The following PNLDC1 variants were observed in gnomAD, a reference collection of about 807,000 sequenced individuals.
The protein encoded by PNLDC1 is PARN like ribonuclease domain containing exonuclease 1, also known as poly(A)-specific ribonuclease PNLDC1.
PNLDC1 carries 70 observed loss-of-function variants against 82.0 expected under a neutral mutation model. The observed-to-expected ratio is 0.85, with a 90% CI of 0.70 to 1.04. The LOEUF is 1.04. Among genes scored for constraint, PNLDC1 ranks in the 50% least tolerant of loss-of-function variants. The pLI is 0.00. For missense variants in PNLDC1, 631 were observed against 661.1 expected (o/e 0.95, Z 0.50); for synonymous variants, 280 against 249.3 (o/e 1.12, Z -1.16).
Position 159,818,423 on chromosome 6 carries a change from T to C in PNLDC1, c.1158-132T>C, listed in dbSNP as rs186281865. On this transcript the variant is annotated intron_variant, in intron 15 of 18. Coordinates refer to ENST00000392167, the MANE Select transcript of PNLDC1 (RefSeq NM_001271862.2). ...AGCACCCAACCAGAGCCCCAAGACTTGTGAGGGCAGGAGGGAGGGAGAGCC... is the reference window on the plus strand; with the variant it reads ...AGCACCCAACCAGAGCCCCAAGACTCGTGAGGGCAGGAGGGAGGGAGAGCC... 483 of 759,598 alleles carry C rather than the reference T, an allele frequency of 6.4e-4. 1 individual carries two copies. The Middle Eastern group carries it at 0.01, about 16-fold the overall frequency. 47.1% of individuals were successfully genotyped at this position (759,598 alleles called of 1,614,324 possible).
Position 159,819,128 on chromosome 6 carries a change from G to A in PNLDC1, c.1433+7G>A, listed in dbSNP as rs756637968. ...TGACCAATAAGTTTAAGGAGTAGGT[G>A]CCTCTAAGTCCGCGTCCCCCACCCC... On this transcript the variant is annotated splice_region_variant and intron_variant, in intron 17 of 18. Transcript: ENST00000392167. The surrounding 1 kb of genome is among the most constrained non-coding windows in gnomAD (Gnocchi z 4.6). 2 of 1,613,524 alleles carry A rather than the reference G, an allele frequency of 1.2e-6. No homozygotes were observed. Among genetic ancestry groups the A allele is most frequent in the Non-Finnish European group, 1.7e-6 (2 of 1,179,656 alleles).
chr6:159,800,318 G>A lies in PNLDC1; in HGVS notation c.11G>A (p.Gly4Asp). 1 of 1,547,754 alleles carries A rather than the reference G, an allele frequency of 6.5e-7. No homozygotes were observed. Residue 4 changes from glycine to aspartate, a missense_variant, in exon 1 of 19, where the codon GGC becomes GAC. Coordinates refer to ENST00000392167, the MANE Select transcript of PNLDC1 (RefSeq NM_001271862.2). MDV[G>D]ADEFEESLPL... ...CGGAGCTGCACGGCCATGGACGTGG[G>A]CGCCGACGAGTTCGAGGAGAGCCTC...
chr6:159,801,034 G>T, intron 2 of PNLDC1, 79 bp from the exon 3 acceptor site: 2 of 1,523,330 alleles, frequency 1.3e-6, no homozygotes, highest in Admixed American at 1.7e-5. Context: ...CCGGTTGCGA[G>T]TGGTGGTCCT....
intron 15 of PNLDC1, among the ~76,000 whole-genome samples, chr6:159,817,697 G>T (rs1007772433): frequency 2.0e-5 from 3 of 152,232 alleles, no homozygotes; most frequent in Non-Finnish European, 4.4e-5. Flanking sequence ...TTAGCAGCGT[G>T]CACGCTACAG....
intron 18 of PNLDC1, among the ~76,000 whole-genome samples, chr6:159,820,244 C>T (rs537161410): frequency 6.6e-6 from 1 of 152,288 alleles, no homozygotes; most frequent in East Asian, 1.9e-4. Context: ...CAGTGAGCTC[C>T]GAGGCAAACC....
At position 159,819,944 on chromosome 6, in the gene PNLDC1, A is replaced by G. The variant is rs532954029; in HGVS notation, c.1533-510A>G. ...GGAGAGAGGGAATCGCGGAAGTTACAGCAAGAAGGTCTATAACCCGACTCA... is the reference window on the plus strand; with the variant it reads ...GGAGAGAGGGAATCGCGGAAGTTACGGCAAGAAGGTCTATAACCCGACTCA... On this transcript the variant is annotated intron_variant, in intron 18 of 18. Coordinates refer to ENST00000392167, the MANE Select transcript of PNLDC1 (RefSeq NM_001271862.2). This position sits in a 1 kb window ranked among gnomAD's most constrained non-coding sequence, Gnocchi z 4.6. 1.1e-4 allele frequency among the ~76,000 whole-genome samples: 16 copies of G among 152,294 alleles called. No homozygotes were observed. Among genetic ancestry groups the G allele is most frequent in the African/African-American group, 3.8e-4 (16 of 41,580 alleles).
upstream of PNLDC1, chr6:159,800,227 CCCGG>C (rs1235232235): frequency 4.1e-5 from 57 of 1,386,698 alleles, no homozygotes; most frequent in Non-Finnish European, 5.6e-5. Flanking sequence ...CCCTTTAAGA[CCCGG>C]CGGCGCGACG....
At position 159,819,552 on chromosome 6, in the gene PNLDC1, C is replaced by T. The variant is rs1002509718; in HGVS notation, c.1532+200C>T. Among the ~76,000 whole-genome samples, 11 of 152,200 alleles carry T rather than the reference C, an allele frequency of 7.2e-5. No individual in the cohort carries two copies. The highest frequency in any genetic ancestry group is 2.6e-4 in the Admixed American group (4 of 15,280). On this transcript the variant is annotated intron_variant, in intron 18 of 18. Transcript: ENST00000392167. The surrounding 1 kb of genome is among the most constrained non-coding windows in gnomAD (Gnocchi z 4.6). ...GAGCACCTGCTGTGCTGGGCACCATCGTAGTTCTAGGGCCTCGTCAGTGAA... is the reference window on the plus strand; with the variant it reads ...GAGCACCTGCTGTGCTGGGCACCATTGTAGTTCTAGGGCCTCGTCAGTGAA...
rs1781433553 is a variant in PNLDC1, at chr6:159,806,007, G to A, written c.486G>A (p.Lys162=). 1 of 1,614,056 alleles carries A rather than the reference G, an allele frequency of 6.2e-7. No homozygotes were observed. Among genetic ancestry groups the A allele is most frequent in the Admixed American group, 1.7e-5 (1 of 60,006 alleles). ...GCTCTCCGGATAAAGACCAAATCAAGGTGGTGATTGACGAAGTGACGCGGT... is the reference window on the plus strand; with the variant it reads ...GCTCTCCGGATAAAGACCAAATCAAAGTGGTGATTGACGAAGTGACGCGGT... The part of the protein sequence containing the change: ...VRSSPDKDQI[K]VVIDEVTRWL... The change falls in exon 7 of 19, where the codon AAG becomes AAA. Residue 162 remains lysine, a synonymous_variant. Transcript: ENST00000392167.
chr6:159,802,683 A>G (rs570244710), intron 3 of PNLDC1, among the ~76,000 whole-genome samples: 1 of 152,192 alleles, frequency 6.6e-6, no homozygotes, highest in East Asian at 1.9e-4. Context: ...CCCAGGCCCA[A>G]GCAATTCTCC....
rs1291360655 is a variant in PNLDC1 at position 159,815,950 on chromosome 6, T to C, written c.996-19T>C. 6.2e-7 allele frequency: 1 copy of C among 1,601,600 alleles called. No individual in the cohort carries two copies. On this transcript the variant is annotated intron_variant, in intron 12 of 18. Transcript: ENST00000392167. The stretch of plus-strand genomic sequence containing the variant: ...ACTTTCAGCAAATTGTTTTTTATTC[T>C]ATTTTTCTTTTCCAATAGTGACTTG...
intron 4 of PNLDC1, among the ~76,000 whole-genome samples, chr6:159,803,603 G>A (rs1015455336): frequency 2.6e-5 from 4 of 152,296 alleles, no homozygotes; most frequent in South Asian, 2.1e-4. Flanking sequence ...ACACAGTGTG[G>A]TGTAATGAAA....
At chr6:159,815,879 A>C in intron 12 of PNLDC1, 90 bp from the exon 13 acceptor site, 2 of 1,035,386 alleles carry the variant, frequency 1.9e-6, no homozygotes, top group East Asian at 2.6e-5. Context: ...ACATTTAAAA[A>C]ATTTATATTA....
rs190950900 is a variant in PNLDC1, at chr6:159,818,598, G to A, written c.1201G>A (p.Val401Met). ...GTCATCCTTTCCTCAGTACCTTGAC[G>A]TGCTGGCTCCTTACGTGAACCAAGT... ...PESSFPQYLD[V>M]LAPYVNQVNL... The change falls in exon 16 of 19, where the codon GTG (valine) becomes ATG (methionine). Residue 401 changes from valine (V) to methionine (M), a missense_variant. By Grantham distance (21) the Val-to-Met change is conservative. Coordinates refer to ENST00000392167, the MANE Select transcript of PNLDC1 (RefSeq NM_001271862.2). The A allele has an allele frequency of 4.2e-5, 68 of 1,613,894 alleles. No individual in the cohort carries two copies. The East Asian group carries it at 5.6e-4, about 13-fold the overall frequency.
At chr6:159,804,896 AACTG>A (rs1225819655) in intron 6 of PNLDC1, among the ~76,000 whole-genome samples, 6 of 152,356 alleles carry the variant, frequency 3.9e-5, no homozygotes, top group African/African-American at 1.2e-4. Flanking sequence ...AAGAAAAAGA[AACTG>A]ACTCCTAATT....
rs1430509109 is a variant in PNLDC1, at chr6:159,819,667, G to A, written c.1532+315G>A. Among the ~76,000 whole-genome samples, 1 of 152,176 alleles carries A rather than the reference G, an allele frequency of 6.6e-6. No individual in the cohort carries two copies. The highest frequency in any genetic ancestry group is 1.5e-5 in the Non-Finnish European group (1 of 68,038). The stretch of plus-strand genomic sequence containing the variant: ...CCCTATAATGTGTTGGGTGACAAGT[G>A]TTTATTAAAAATGAGAGAAGGGTCA... On this transcript the variant is annotated intron_variant, in intron 18 of 18. Transcript: ENST00000392167. This position sits in a 1 kb window ranked among gnomAD's most constrained non-coding sequence, Gnocchi z 4.6.
rs1250290075 is a variant in PNLDC1 at position 159,810,084 on chromosome 6, G to T, written c.842G>T (p.Arg281Ile). The change falls in exon 10 of 19, where the codon AGA becomes ATA. Residue 281 changes from arginine to isoleucine, a missense_variant. Physicochemically the swap from Arg to Ile is moderately conservative, Grantham distance 97. Transcript: ENST00000392167. Reference sequence around the variant, plus strand: ...CTGCACCTCCATGAGAAGTTCTTCAGACCCCTCCCAGGTAGGGGCAAACCT... The same window carrying T: ...CTGCACCTCCATGAGAAGTTCTTCATACCCCTCCCAGGTAGGGGCAAACCT... The part of the protein sequence containing the change: ...DLLHLHEKFF[R>I]PLPESYDQFK... The T allele has an allele frequency of 1.2e-6, 2 of 1,613,802 alleles. No homozygotes were observed. Among genetic ancestry groups the T allele is most frequent in the African/African-American group, 2.7e-5 (2 of 74,924 alleles).
intron 7 of PNLDC1, among the ~76,000 whole-genome samples, chr6:159,806,748 T>C (rs1297361938): frequency 6.6e-6 from 1 of 152,232 alleles, no homozygotes; most frequent in African/African-American, 2.4e-5. Flanking sequence ...AATCTTTTGA[T>C]TACTCATCTT....
At chr6:159,808,634 T>G (rs578068299) in intron 7 of PNLDC1, 106 bp from the exon 8 acceptor site, 2 of 1,075,176 alleles carry the variant, frequency 1.9e-6, no homozygotes, top group African/African-American at 3.1e-5. Context: ...AAGCTCCCTT[T>G]CCACTTGACC....
Sources: gnomAD v4.1 joint callset for allele counts (sites outside exome capture counted in the v4.1 genomes callset) on GRCh38, gnomAD v4.1.1 for gene constraint, Gnocchi (gnomAD v3.1) non-coding constraint, MANE v1.5 for transcripts, NCBI Gene and HGNC (gene_info 2026-07-23, HGNC 2026-07-21) for gene names.